The following ABCD3 variants were observed in gnomAD, a reference collection of about 807,000 sequenced individuals.
The protein encoded by ABCD3 is ATP-binding cassette sub-family D member 3.
Under a neutral mutation model 105.5 loss-of-function variants are expected in ABCD3, and 41 were observed. The observed-to-expected ratio is 0.39, with a 90% CI of 0.30 to 0.50. The LOEUF is 0.50. ABCD3 is among the 20% of genes least tolerant of loss of function. The pLI, the probability that ABCD3 is intolerant of heterozygous loss-of-function variation, is 0.84. For missense variants in ABCD3, 622 were observed against 806.3 expected, an observed-to-expected ratio of 0.77 and a Z score of 2.77; for synonymous variants, 258 against 269.0, an observed-to-expected ratio of 0.96 and a Z score of 0.40.
intron 9 of ABCD3, 95 bp downstream of exon 9, chr1:94,480,701 C>T: frequency 7.7e-7 from 1 of 1,291,896 alleles, no homozygotes; most frequent in African/African-American, 1.5e-5. Context: ...GACACTGTTA[C>T]TGTAATAATG....
intron 1 of ABCD3, among the ~76,000 whole-genome samples, chr1:94,452,513 C>T (rs1292086815): frequency 6.6e-6 from 1 of 152,144 alleles, no homozygotes; most frequent in Non-Finnish European, 1.5e-5. Context: ...TCATGAAGTT[C>T]TTTGAGTACC....
intron 21 of ABCD3, chr1:94,513,843 G>A (rs946774352): frequency 2.0e-5 from 3 of 151,976 alleles, no homozygotes; most frequent in Non-Finnish European, 4.4e-5. Flanking sequence ...AATCAGAAAA[G>A]TGTGGTATGG....
the ABCD3 span, among the ~76,000 whole-genome samples, chr1:94,399,441 C>T: frequency 6.6e-6 from 1 of 152,288 alleles, no homozygotes; most frequent in African/African-American, 2.4e-5. Context: ...CAGTCTTCAA[C>T]CTCTAAATCT....
intron 1 of ABCD3, among the ~76,000 whole-genome samples, chr1:94,457,860 C>T (rs1008430104): frequency 2.0e-5 from 3 of 152,142 alleles, no homozygotes; most frequent in Admixed American, 6.6e-5. Flanking sequence ...GTACCCCAGA[C>T]ACCATATTAC....
chr1:94,394,976 C>T, the ABCD3 span, among the ~76,000 whole-genome samples: 3 of 152,214 alleles, frequency 2.0e-5, no homozygotes, highest in South Asian at 2.1e-4. Context: ...CCACCAATGC[C>T]CTGTGTCTGG....
intron 1 of ABCD3, among the ~76,000 whole-genome samples, chr1:94,453,197 C>T (rs182185547): frequency 2.6e-4 from 40 of 152,214 alleles, no homozygotes; most frequent in African/African-American, 8.9e-4. Context: ...CCCGGTAAAT[C>T]GTTTGGTTTG....
chr1:94,398,058 A>G, the ABCD3 span, among the ~76,000 whole-genome samples: 2 of 152,042 alleles, frequency 1.3e-5, no homozygotes, highest in Admixed American at 6.6e-5. Context: ...TATTTATTCA[A>G]TCATAATTTT....
intron 2 of ABCD3, among the ~76,000 whole-genome samples, chr1:94,459,429 T>C (rs1251200155): frequency 1.3e-5 from 2 of 152,192 alleles, no homozygotes; most frequent in Admixed American, 1.3e-4. Context: ...CTGACTAGCA[T>C]GGAATATATC....
chr1:94,457,398 A>G (rs1485139410), intron 1 of ABCD3, among the ~76,000 whole-genome samples: 1 of 152,206 alleles, frequency 6.6e-6, no homozygotes, highest in African/African-American at 2.4e-5. Flanking sequence ...GTGTCCTGGT[A>G]TCTTACTACT....
At chr1:94,434,372 T>G (rs1659814465) in intron 1 of ABCD3, among the ~76,000 whole-genome samples, 1 of 152,226 alleles carries the variant, frequency 6.6e-6, no homozygotes, top group Non-Finnish European at 1.5e-5. Flanking sequence ...GAGTACACTC[T>G]AATATAATGA....
At chr1:94,498,424 A>C (rs921522149) in intron 16 of ABCD3, among the ~76,000 whole-genome samples, 178 bp from the exon 17 acceptor site, 4 of 152,124 alleles carry the variant, frequency 2.6e-5, no homozygotes, top group African/African-American at 9.7e-5. Flanking sequence ...GAAGTAAACA[A>C]AGTAAAAGGT....
chr1:94,433,372 T>G (rs1457817398), intron 1 of ABCD3, among the ~76,000 whole-genome samples: 1 of 152,058 alleles, frequency 6.6e-6, no homozygotes, highest in Non-Finnish European at 1.5e-5. Flanking sequence ...TAGGCTGGTC[T>G]GAAACTCCTG....
chr1:94,408,513 C>T, the ABCD3 span, among the ~76,000 whole-genome samples: 2 of 151,422 alleles, frequency 1.3e-5, no homozygotes, highest in African/African-American at 4.9e-5. Context: ...AGAATTGCTT[C>T]AACTCAGGAG....
chr1:94,404,491 G>C, the ABCD3 span, among the ~76,000 whole-genome samples: 283 of 152,088 alleles, frequency 1.9e-3, 2 homozygotes, highest in Middle Eastern at 3.4e-3. Flanking sequence ...TTCATTTGTT[G>C]TGGTTTGCTT....
the ABCD3 span, among the ~76,000 whole-genome samples, chr1:94,408,665 T>A: frequency 6.6e-6 from 1 of 151,978 alleles, no homozygotes; most frequent in South Asian, 2.1e-4. Context: ...CGATAAATCA[T>A]CCATATGGCT....
Position 94,458,845 on chromosome 1 carries a change from A to G in ABCD3, c.147+202A>G, listed in dbSNP as rs879265673. ...TCTAGGAGGCAGCATTAACTGCATTAGTTCTAGCCCATGATGATATTAGTT... is the reference window on the plus strand; with the variant it reads ...TCTAGGAGGCAGCATTAACTGCATTGGTTCTAGCCCATGATGATATTAGTT... On this transcript the variant is annotated intron_variant, in intron 2 of 22. Transcript: ENST00000370214. Among the ~76,000 whole-genome samples, 17 of 152,058 alleles carry G rather than the reference A, an allele frequency of 1.1e-4. 1 individual carries two copies. Among genetic ancestry groups the G allele is most frequent in the Admixed American group, 1.1e-3 (17 of 15,276 alleles).
At chr1:94,507,364 C>G (rs866143782) in intron 21 of ABCD3, among the ~76,000 whole-genome samples, 1 of 152,240 alleles carries the variant, frequency 6.6e-6, no homozygotes, top group South Asian at 2.1e-4. Flanking sequence ...TGTATATGTG[C>G]CACATTTTCT....
At chr1:94,500,815 G>A (rs1296460331) in intron 20 of ABCD3, among the ~76,000 whole-genome samples, 1 of 152,068 alleles carries the variant, frequency 6.6e-6, no homozygotes, top group Non-Finnish European at 1.5e-5. Flanking sequence ...GATGAATCTA[G>A]TGTGAAGAGT....
intron 1 of ABCD3, among the ~76,000 whole-genome samples, chr1:94,443,914 C>A (rs377550447): frequency 2.0e-5 from 3 of 151,956 alleles, no homozygotes; most frequent in Non-Finnish European, 4.4e-5. Context: ...GTTATATTGC[C>A]GTATTTTTTT....
Sources: gnomAD v4.1 joint callset for allele counts (sites outside exome capture counted in the v4.1 genomes callset) on GRCh38, gnomAD v4.1.1 for gene constraint, MANE v1.5 for transcripts, NCBI Gene and HGNC (gene_info 2026-07-23, HGNC 2026-07-21) for gene names.